MEGF11: variants seen among roughly 807,000 people sequenced by gnomAD.
MEGF11 encodes the protein multiple EGF like domains 11.
In MEGF11, 126 loss-of-function variants were observed where a neutral mutation model predicts 146.6. The ratio of observed to expected loss-of-function variants is 0.86; its 90% CI spans 0.74 to 1.00. MEGF11 has a LOEUF of 1.00. MEGF11 is among the 50% of genes least tolerant of loss of function. The pLI, the probability that MEGF11 is intolerant of heterozygous loss-of-function variation, is 0.00. For synonymous variants in MEGF11, 532 were observed against 583.4 expected (o/e 0.91, Z 1.27); for missense variants, 1,509 against 1,521.2 (o/e 0.99, Z 0.13).
At chr15:66,017,664 C>T (rs776242090) in intron 5 of MEGF11, among the ~76,000 whole-genome samples, 6 of 152,190 alleles carry the variant, frequency 3.9e-5, no homozygotes, top group Non-Finnish European at 7.3e-5. Flanking sequence ...CCCACAGGCT[C>T]GGCTCCACTT....
At chr15:65,913,247 T>G (rs2078873827) in intron 20 of MEGF11, among the ~76,000 whole-genome samples, 1 of 152,066 alleles carries the variant, frequency 6.6e-6, no homozygotes, top group Non-Finnish European at 1.5e-5. Flanking sequence ...ACCTCCCAAG[T>G]CAGGTACTGT....
chr15:66,206,938 G>T (rs1004469951), intron 1 of MEGF11, among the ~76,000 whole-genome samples: 29 of 152,108 alleles, frequency 1.9e-4, no homozygotes, highest in African/African-American at 7.0e-4. Context: ...CACTAGAAGA[G>T]CTCAGCAGCA....
chr15:65,958,187 A>G (rs16949145), intron 9 of MEGF11, among the ~76,000 whole-genome samples: 2,836 of 152,332 alleles, frequency 0.019, 39 homozygotes, highest in East Asian at 0.081. Context: ...TAGGTGTTCA[A>G]TGAATGTTGG....
intron 10 of MEGF11, among the ~76,000 whole-genome samples, chr15:65,938,230 A>G (rs1475047201): frequency 6.6e-6 from 1 of 152,232 alleles, no homozygotes; most frequent in African/African-American, 2.4e-5. Context: ...TAGGTGAGTA[A>G]ACTGAGGCCA....
At chr15:66,197,161 G>GA (rs2091028280) in intron 1 of MEGF11, among the ~76,000 whole-genome samples, 1 of 152,162 alleles carries the variant, frequency 6.6e-6, no homozygotes, top group Non-Finnish European at 1.5e-5. Context: ...CTGATGTGAG[G>GA]AAAAAAGGCT....
intron 1 of MEGF11, among the ~76,000 whole-genome samples, chr15:66,219,685 T>C (rs957852557): frequency 7.6e-6 from 1 of 132,198 alleles, no homozygotes; most frequent in Non-Finnish European, 1.6e-5. Context: ...GCTTGGCAAG[T>C]GGCACTGGTG....
At chr15:66,090,641 G>A (rs972347165) in intron 5 of MEGF11, among the ~76,000 whole-genome samples, 1 of 152,178 alleles carries the variant, frequency 6.6e-6, no homozygotes, top group South Asian at 2.1e-4. Flanking sequence ...AAGCCAGCAG[G>A]CCCCACGAAT....
intron 5 of MEGF11, among the ~76,000 whole-genome samples, chr15:65,992,454 G>C (rs916329156): frequency 2.8e-5 from 4 of 141,506 alleles, no homozygotes; most frequent in African/African-American, 1.1e-4. Flanking sequence ...TGTGTGTGGG[G>C]GGGGGGGTTA....
intron 1 of MEGF11, among the ~76,000 whole-genome samples, chr15:66,202,539 G>C (rs535353896): frequency 6.6e-6 from 1 of 152,274 alleles, no homozygotes; most frequent in East Asian, 1.9e-4. Context: ...GTGACCCCTA[G>C]GGGTGGCCCT....
chr15:66,044,294 G>T (rs1476633078), intron 5 of MEGF11, among the ~76,000 whole-genome samples: 1 of 152,138 alleles, frequency 6.6e-6, no homozygotes, highest in East Asian at 1.9e-4. Context: ...AGGAGAGAAG[G>T]GGCAATGGAG....
At chr15:66,230,945 A>G (rs2091955286) in intron 1 of MEGF11, among the ~76,000 whole-genome samples, 1 of 152,188 alleles carries the variant, frequency 6.6e-6, no homozygotes, top group African/African-American at 2.4e-5. Context: ...CAGCGTTCCC[A>G]TTCCTGGCCA....
chr15:65,919,708 G>A (rs1331119908), intron 15 of MEGF11, among the ~76,000 whole-genome samples: 2 of 152,110 alleles, frequency 1.3e-5, no homozygotes, highest in African/African-American at 2.4e-5. Context: ...TCGGCTTACT[G>A]CAACCTTTTC....
intron 1 of MEGF11, among the ~76,000 whole-genome samples, chr15:66,135,870 AG>A (rs920281909): frequency 1.6e-4 from 25 of 152,160 alleles, no homozygotes; most frequent in African/African-American, 5.8e-4. Context: ...GACCCAGGAA[AG>A]GTTGCTTAAC....
intron 5 of MEGF11, among the ~76,000 whole-genome samples, chr15:65,985,099 G>T (rs1462131314): frequency 6.6e-6 from 1 of 152,202 alleles, no homozygotes; most frequent in Admixed American, 6.5e-5. Flanking sequence ...CTGCCTGTGT[G>T]CCAGGCACCA....
rs371459476 is a variant in MEGF11 at position 66,015,073 on chromosome 15, T to G, written c.395-32585A>C. On this transcript the variant is annotated intron_variant, in intron 5 of 25. Transcript: ENST00000395614. ...AACATGACGTAACAAAACATGAAGT[T>G]GCAAAGAGATGTGCACACTTGACTC... Among the ~76,000 whole-genome samples the G allele has an allele frequency of 3.3e-5, 5 of 152,174 alleles. No individual in the cohort carries two copies. The South Asian group carries it at 1.0e-3, about 31-fold the overall frequency.
At chr15:66,139,971 C>T (rs561245403) in intron 1 of MEGF11, among the ~76,000 whole-genome samples, 1 of 152,304 alleles carries the variant, frequency 6.6e-6, no homozygotes, top group South Asian at 2.1e-4. Context: ...TAACTGGAGC[C>T]TTCAGTTAAT....
intron 1 of MEGF11, among the ~76,000 whole-genome samples, chr15:66,146,525 G>A (rs964080307): frequency 1.1e-4 from 16 of 152,258 alleles, no homozygotes; most frequent in African/African-American, 2.7e-4. Flanking sequence ...AATAAGACAC[G>A]GATTGGTGCA....
In MEGF11 at chr15:66,084,084, T is replaced by C. The variant is rs565782353; in HGVS notation, c.394+10318A>G. Among the ~76,000 whole-genome samples, 3 of 152,316 alleles carry C rather than the reference T, an allele frequency of 2.0e-5. No individual in the cohort carries two copies. In the South Asian group the frequency reaches 6.2e-4, roughly 32 times the overall value. ...TGACTTTGTTGTTGTGCAAACATCATAGAGTGTACTTGCACAAACCTAGAT... is the reference window on the plus strand; with the variant it reads ...TGACTTTGTTGTTGTGCAAACATCACAGAGTGTACTTGCACAAACCTAGAT... On this transcript the variant is annotated intron_variant, in intron 5 of 25. Transcript: ENST00000395614.
intron 1 of MEGF11, among the ~76,000 whole-genome samples, chr15:66,187,318 G>A (rs1450797417): frequency 6.6e-6 from 1 of 152,188 alleles, no homozygotes; most frequent in Non-Finnish European, 1.5e-5. Context: ...TCTGTGAAAG[G>A]ACAGAAAGAG....
Sources: allele counts gnomAD v4.1 joint callset (sites outside exome capture counted in the v4.1 genomes callset), GRCh38; gene constraint gnomAD v4.1.1; transcripts MANE v1.5; gene names NCBI Gene and HGNC (gene_info 2026-07-23, HGNC 2026-07-21).